ZNF577: variants seen among roughly 807,000 people sequenced by gnomAD.
ZNF577 encodes zinc finger protein 577.
In ZNF577, 14 loss-of-function variants were observed where a neutral mutation model predicts 13.9. The observed-to-expected ratio is 1.00, with a 90% CI of 0.66 to 1.57. The LOEUF (loss-of-function observed/expected upper bound fraction) is 1.57, where lower values mean the gene tolerates loss of function less well. Among genes scored for constraint, ZNF577 ranks in the 40% most tolerant of loss-of-function variants. The pLI is 0.00. For missense variants in ZNF577, 555 were observed against 579.2 expected (o/e 0.96, Z 0.43); for synonymous variants, 203 against 202.9 (o/e 1.00, Z 0.00).
chr19:51,813,391 G>C (rs2084111837), intron 9 of ZNF577, among the ~76,000 whole-genome samples: 1 of 151,972 alleles, frequency 6.6e-6, no homozygotes. Flanking sequence ...CATCACCTTG[G>C]TATGAGCAAC....
chr19:51,863,473 T>C (rs2084526305), downstream of ZNF577, among the ~76,000 whole-genome samples: 2 of 152,268 alleles, frequency 1.3e-5, no homozygotes, highest in Non-Finnish European at 2.9e-5. Flanking sequence ...GATCACAGTA[T>C]TCTGATTATG....
intron 9 of ZNF577, among the ~76,000 whole-genome samples, chr19:51,833,151 C>T (rs1026297063): frequency 6.6e-6 from 1 of 152,264 alleles, no homozygotes; most frequent in South Asian, 2.1e-4. Flanking sequence ...CTCTATCTGC[C>T]TTGTTCTTCC....
rs780802437 is a variant in ZNF577 at position 51,868,308 on chromosome 19, TAAA to T, written c.*4221_*4223del. Among the ~76,000 whole-genome samples the T allele has an allele frequency of 6.6e-6, 1 of 152,056 alleles. No individual in the cohort carries two copies. Among genetic ancestry groups the T allele is most frequent in the Non-Finnish European group, 1.5e-5 (1 of 67,994 alleles). The stretch of plus-strand genomic sequence containing the variant: ...CATAGGACACAGACACCTACACACC[TAAA>T]AAAGTTTCATCTGGGGTGTAAAAGG... On this transcript the variant is annotated 3_prime_UTR_variant, in exon 6 of 6. Coordinates refer to ENST00000638348, the MANE Select transcript of ZNF577 (RefSeq NM_001370449.1).
Position 51,824,826 on chromosome 19 carries a change from T to G in ZNF577, c.*600-13152A>C. 2 of 1,589,046 alleles carry G rather than the reference T, an allele frequency of 1.3e-6. No homozygotes were observed. The highest frequency in any genetic ancestry group is 1.1e-5 in the South Asian group (1 of 88,226). On this transcript the variant is annotated intron_variant and NMD_transcript_variant, in intron 9 of 10. Transcript: ENST00000638827. The surrounding 1 kb of genome is among the most constrained non-coding windows in gnomAD (Gnocchi z 4.7). ...AGCAATGTGAGGTCGGGGATATTTT[T>G]GGGCTCTGTCTCTTTCTACCCTGCG...
At position 51,867,290 on chromosome 19, in the gene ZNF577, G is replaced by A. The variant is rs1328249404; in HGVS notation, c.*5242C>T. Reference sequence around the variant, plus strand: ...GCAAAACCTCACCGGGGCTTTTATCGTTTTTTTCTTCGGTTCTTAGGAAAA... The same window carrying A: ...GCAAAACCTCACCGGGGCTTTTATCATTTTTTTCTTCGGTTCTTAGGAAAA... On this transcript the variant is annotated 3_prime_UTR_variant, in exon 6 of 6. Coordinates refer to ENST00000638348, the MANE Select transcript of ZNF577 (RefSeq NM_001370449.1). Among the ~76,000 whole-genome samples the A allele has an allele frequency of 2.0e-5, 3 of 152,028 alleles. No individual in the cohort carries two copies. The highest frequency in any genetic ancestry group is 3.9e-4 in the East Asian group (2 of 5,190).
At chr19:51,884,497 T>TA (rs995669142) in intron 1 of ZNF577, among the ~76,000 whole-genome samples, 8 of 152,258 alleles carry the variant, frequency 5.3e-5, no homozygotes, top group Admixed American at 2.0e-4. Context: ...GAAAAAAAGT[T>TA]AGAGTCATCA....
chr19:51,885,340 C>G (rs940205882), intron 1 of ZNF577, among the ~76,000 whole-genome samples: 1 of 152,222 alleles, frequency 6.6e-6, no homozygotes, highest in Non-Finnish European at 1.5e-5. Context: ...TGCACCTTTA[C>G]AGAAAGTTTG....
At position 51,816,823 on chromosome 19, in the gene ZNF577, G is replaced by A. The variant is rs188787459; in HGVS notation, c.*600-5149C>T. Among the ~76,000 whole-genome samples, 163 of 152,296 alleles carry A rather than the reference G, an allele frequency of 1.1e-3. 2 individuals carry two copies. The highest frequency in any genetic ancestry group is 1.7e-3 in the Non-Finnish European group (118 of 68,030). The stretch of plus-strand genomic sequence containing the variant: ...ATTTCATTGTAGGATAGACAGTGGT[G>A]TCTCCAGAGAATTGGAGACTTGCTC... On this transcript the variant is annotated intron_variant and NMD_transcript_variant, in intron 9 of 10. Transcript: ENST00000638827.
rs369237228 is a variant in ZNF577 at position 51,808,756 on chromosome 19, T to C, written c.*817+2701A>G. ...TTTTGTAAGGCACCCATCAGTTTTA[T>C]GTGTACATGAATAGCTCTTAAATCA... is the stretch of plus-strand genomic sequence containing the variant. On this transcript the variant is annotated intron_variant and NMD_transcript_variant, in intron 10 of 10. Coordinates refer to the ZNF577 transcript ENST00000638827. Among the ~76,000 whole-genome samples the C allele has an allele frequency of 9.2e-5, 14 of 152,360 alleles. 1 individual carries two copies. The South Asian group carries it at 2.9e-3, about 32-fold the overall frequency.
chr19:51,863,845 G>A (rs2084530538), downstream of ZNF577, among the ~76,000 whole-genome samples: 1 of 152,164 alleles, frequency 6.6e-6, no homozygotes, highest in Non-Finnish European at 1.5e-5. Context: ...TCTAGGTGCT[G>A]GTTGCACAGT....
At chr19:51,852,116 G>A (rs1273878900) in intron 5 of ZNF577, among the ~76,000 whole-genome samples, 1 of 152,178 alleles carries the variant, frequency 6.6e-6, no homozygotes, top group African/African-American at 2.4e-5. Context: ...GGGCTATTGC[G>A]CAGACTCAGT....
At chr19:51,812,808 T>C (rs73566118) in intron 9 of ZNF577, among the ~76,000 whole-genome samples, 11,481 of 152,248 alleles carry the variant, frequency 0.075, 1,137 homozygotes, top group African/African-American at 0.23. Context: ...AAATTTATTA[T>C]GCTGGATAAT....
rs2084220481 is a variant in ZNF577 at position 51,824,834 on chromosome 19, G to C, written c.*600-13160C>G. On this transcript the variant is annotated intron_variant and NMD_transcript_variant, in intron 9 of 10. Coordinates refer to the ZNF577 transcript ENST00000638827. The surrounding 1 kb of genome is among the most constrained non-coding windows in gnomAD (Gnocchi z 4.7). ...GAGGTCGGGGATATTTTTGGGCTCT[G>C]TCTCTTTCTACCCTGCGTTAAGCGG... The C allele has an allele frequency of 1.3e-6, 2 of 1,571,990 alleles. No homozygotes were observed. The highest frequency in any genetic ancestry group is 1.4e-5 in the African/African-American group (1 of 73,362).
chr19:51,876,215 G>C (rs1014039430), intron 5 of ZNF577, among the ~76,000 whole-genome samples: 1 of 152,192 alleles, frequency 6.6e-6, no homozygotes, highest in Non-Finnish European at 1.5e-5. Flanking sequence ...GAAATCTTTA[G>C]TATATGTGAG....
intron 1 of ZNF577, among the ~76,000 whole-genome samples, chr19:51,882,267 A>C (rs7250193): frequency 6.6e-6 from 1 of 151,888 alleles, no homozygotes; most frequent in East Asian, 1.9e-4. Flanking sequence ...TCCCTCATAC[A>C]TAATACATCA....
chr19:51,874,984 A>C (rs2084732811), intron 5 of ZNF577, among the ~76,000 whole-genome samples: 1 of 152,192 alleles, frequency 6.6e-6, no homozygotes, highest in Non-Finnish European at 1.5e-5. Flanking sequence ...AGGGTAAAAG[A>C]AGCCTCATAC....
intron 5 of ZNF577, among the ~76,000 whole-genome samples, chr19:51,853,361 C>T (rs2084388967): frequency 2.2e-5 from 3 of 134,330 alleles, no homozygotes. Context: ...TCTCAAACTT[C>T]CCAATAGGGA....
chr19:51,852,580 G>T (rs2084384305), intron 5 of ZNF577, among the ~76,000 whole-genome samples: 1 of 145,846 alleles, frequency 6.9e-6, no homozygotes, highest in Non-Finnish European at 1.5e-5. Flanking sequence ...AACAGACAGG[G>T]CAGATTCTAG....
intron 5 of ZNF577, among the ~76,000 whole-genome samples, chr19:51,874,887 C>G (rs10422310): frequency 0.11 from 17,438 of 152,082 alleles, 1,978 homozygotes; most frequent in African/African-American, 0.27. Flanking sequence ...AACACATGTT[C>G]CCAGCAGAAA....
Sources: allele counts gnomAD v4.1 joint callset (sites outside exome capture counted in the v4.1 genomes callset), GRCh38; gene constraint gnomAD v4.1.1; non-coding constraint Gnocchi (gnomAD v3.1); transcripts MANE v1.5; gene names NCBI Gene and HGNC (gene_info 2026-07-23, HGNC 2026-07-21).